The following SEMA5B variants were observed in gnomAD, a reference collection of about 807,000 sequenced individuals.
SEMA5B encodes the protein semaphorin 5B.
In SEMA5B, 66 loss-of-function variants were observed where a neutral mutation model predicts 135.0. The observed-to-expected ratio is 0.49, with a 90% CI of 0.40 to 0.60. SEMA5B has a LOEUF of 0.60. Among genes scored for constraint, SEMA5B ranks in the 20% least tolerant of loss-of-function variants. The pLI, the probability that SEMA5B is intolerant of heterozygous loss-of-function variation, is 0.00. For missense variants in SEMA5B, 1,501 were observed against 1,566.3 expected, an observed-to-expected ratio of 0.96 and a Z score of 0.70; for synonymous variants, 690 against 639.5, an observed-to-expected ratio of 1.08 and a Z score of -1.19.
intron 1 of SEMA5B, among the ~76,000 whole-genome samples, chr3:123,013,946 A>G (rs1274415236): frequency 1.3e-5 from 2 of 152,078 alleles, no homozygotes; most frequent in East Asian, 3.9e-4. Flanking sequence ...TCCCCATTCC[A>G]CAGGAAGGAA....
At chr3:122,931,926 C>T (rs1938992967) in intron 5 of SEMA5B, among the ~76,000 whole-genome samples, 1 of 152,160 alleles carries the variant, frequency 6.6e-6, no homozygotes, top group African/African-American at 2.4e-5. Flanking sequence ...CTGGTCAGAA[C>T]ACCAGAAAAA....
At chr3:123,000,245 TCC>T (rs1189792177) in intron 1 of SEMA5B, among the ~76,000 whole-genome samples, 1 of 151,966 alleles carries the variant, frequency 6.6e-6, no homozygotes, top group Non-Finnish European at 1.5e-5. Context: ...GGAGCAGCCC[TCC>T]CGAAGGATAG....
Position 122,913,684 on chromosome 3 carries a change from G to C in SEMA5B, c.2133-3C>G. The C allele has an allele frequency of 6.2e-7, 1 of 1,613,222 alleles. No homozygotes were observed. Among genetic ancestry groups the C allele is most frequent in the Non-Finnish European group, 8.5e-7 (1 of 1,179,708 alleles). On this transcript the variant is annotated splice_region_variant and splice_polypyrimidine_tract_variant and intron_variant, in intron 15 of 22. Transcript: ENST00000357599. ...AAGGCGTGTTCTCATTACAGAACCT[G>C]GGGTCGGGGGAGAGGCGTCAATCCA...
At chr3:122,996,488 G>A (rs1027512161) in intron 1 of SEMA5B, among the ~76,000 whole-genome samples, 15 of 152,196 alleles carry the variant, frequency 9.9e-5, no homozygotes, top group South Asian at 6.2e-4. Flanking sequence ...GTGCTTCCCC[G>A]CCTTGGCCTC....
rs756123114 is a variant in SEMA5B, at chr3:122,947,479, C to T, written c.328+1027G>A. Among the ~76,000 whole-genome samples, 7 of 152,104 alleles carry T rather than the reference C, an allele frequency of 4.6e-5. No homozygotes were observed. The East Asian group carries it at 5.8e-4, about 13-fold the overall frequency. ...TTTCCAGCTGGGTTCCATCTTACCC[C>T]ACCCACTCCTGCAGGATGGGGCTCC... On this transcript the variant is annotated intron_variant, in intron 3 of 22. Coordinates refer to ENST00000357599, the MANE Select transcript of SEMA5B (RefSeq NM_001031702.4).
chr3:122,986,150 C>T (rs1941688555), intron 1 of SEMA5B, among the ~76,000 whole-genome samples: 1 of 152,172 alleles, frequency 6.6e-6, no homozygotes, highest in Admixed American at 6.5e-5. Context: ...ATAATACTGT[C>T]CTTTGTCTTA....
In SEMA5B at chr3:122,926,543, G is replaced by A. The variant is rs1305193720; in HGVS notation, c.985C>T (p.Arg329Ter). The A allele has an allele frequency of 3.1e-6, 5 of 1,614,236 alleles. No homozygotes were observed. Among genetic ancestry groups the A allele is most frequent in the East Asian group, 2.2e-5 (1 of 44,890 alleles). Residue 329 changes from arginine to a stop codon, truncating the protein, a stop_gained, in exon 9 of 23, where the codon CGA (arginine) becomes TGA (stop). Coordinates refer to ENST00000357599, the MANE Select transcript of SEMA5B (RefSeq NM_001031702.4). LOFTEE classifies it high-confidence loss of function. ...ARVCKNDVGG[R>*]FLLEDTWTTF... ...GTCCATGTGTCCTCCAGCAGGAATC[G>A]GCCCCCCACGTCATTCTTGCACACG...
At chr3:122,927,686 C>T in intron 8 of SEMA5B, 104 bp downstream of exon 8, 1 of 801,968 alleles carries the variant, frequency 1.2e-6, no homozygotes, top group African/African-American at 1.8e-5. Context: ...CAAGTGGGAG[C>T]ACTTGCAGAG....
intron 5 of SEMA5B, 134 bp from the exon 6 acceptor site, chr3:122,929,192 G>T: frequency 1.2e-6 from 1 of 808,822 alleles, no homozygotes; most frequent in Non-Finnish European, 2.0e-6. Flanking sequence ...GCAGGGTGAG[G>T]GCTCCTCTCA....
intron 1 of SEMA5B, among the ~76,000 whole-genome samples, chr3:122,968,858 G>A (rs987840888): frequency 2.0e-5 from 3 of 152,182 alleles, no homozygotes; most frequent in African/African-American, 7.2e-5. Context: ...TGGGCCATAA[G>A]TCTTGGGGCA....
chr3:122,943,660 T>G, intron 3 of SEMA5B, 125 bp from the exon 4 acceptor site: 4 of 646,722 alleles, frequency 6.2e-6, no homozygotes, highest in East Asian at 2.7e-5. Context: ...CCGGGAGACC[T>G]GGTGCCACCT....
At chr3:122,937,031 T>C (rs1939325329) in intron 5 of SEMA5B, among the ~76,000 whole-genome samples, 1 of 152,230 alleles carries the variant, frequency 6.6e-6, no homozygotes, top group African/African-American at 2.4e-5. Context: ...AAGCATTGAG[T>C]TTTAAGTTTG....
chr3:122,914,709 G>A (rs1475848151), intron 14 of SEMA5B, among the ~76,000 whole-genome samples: 1 of 152,146 alleles, frequency 6.6e-6, no homozygotes, highest in Non-Finnish European at 1.5e-5. Context: ...TGAGGTGGGA[G>A]GAACACTTGA....
At position 122,921,766 on chromosome 3, in the gene SEMA5B, ACC is replaced by A. The variant is rs1938355582; in HGVS notation, c.1688+147_1688+148del. On this transcript the variant is annotated intron_variant, in intron 12 of 22. Transcript: ENST00000357599. ...CTGCAAGATGTTTTACGAGGAGAGA[ACC>A]AAGGTTCAGCGAGGTGGAGTGACTT... 6 of 589,866 alleles carry A rather than the reference ACC, an allele frequency of 1.0e-5. 1 individual carries two copies. The South Asian group carries it at 1.5e-4, about 14-fold the overall frequency. 36.5% of individuals were successfully genotyped at this position (589,866 alleles called of 1,614,324 possible).
intron 1 of SEMA5B, among the ~76,000 whole-genome samples, chr3:122,977,517 G>C (rs1340652453): frequency 6.6e-6 from 1 of 152,156 alleles, no homozygotes; most frequent in African/African-American, 2.4e-5. Flanking sequence ...AGAGCATCAG[G>C]ATCAGAACCC....
intron 1 of SEMA5B, among the ~76,000 whole-genome samples, chr3:123,005,764 G>A (rs561229862): frequency 2.0e-5 from 3 of 152,304 alleles, no homozygotes; most frequent in Non-Finnish European, 4.4e-5. Context: ...AATGGAGAGA[G>A]CAATCCTGAT....
intron 1 of SEMA5B, among the ~76,000 whole-genome samples, chr3:122,987,975 C>A (rs1034798881): frequency 9.2e-5 from 14 of 152,004 alleles, no homozygotes; most frequent in Admixed American, 2.0e-4. Context: ...TGAGACCAGC[C>A]ATAGAAGGAA....
At chr3:122,958,180 G>A (rs1177065878) in intron 2 of SEMA5B, 1 of 152,312 alleles carries the variant, frequency 6.6e-6, no homozygotes, top group Non-Finnish European at 1.5e-5. Context: ...CAGGGTGGGT[G>A]GGAAGGAAGG....
At position 122,910,909 on chromosome 3, in the gene SEMA5B, G is replaced by T; in HGVS notation, c.3228C>A (p.Thr1076=). ...CGCCCTTGTAGTGCAAATGGTTGGGGGTGGCAGGATGGACCAGTGTGGACT... is the reference window on the plus strand; with the variant it reads ...CGCCCTTGTAGTGCAAATGGTTGGGTGTGGCAGGATGGACCAGTGTGGACT... ...SQESTLVHPA[T]PNHLHYKGGG... is the part of the protein sequence containing the mutation. The change falls in exon 22 of 23, where the codon ACC becomes ACA. Residue 1076 remains threonine, a synonymous_variant. Transcript: ENST00000357599. 6.2e-7 allele frequency: 1 copy of T among 1,613,788 alleles called. No homozygotes were observed. The highest frequency in any genetic ancestry group is 1.7e-4 in the Middle Eastern group (1 of 5,780).
Sources: gnomAD v4.1 joint callset for allele counts (sites outside exome capture counted in the v4.1 genomes callset) on GRCh38, gnomAD v4.1.1 for gene constraint, MANE v1.5 for transcripts, NCBI Gene and HGNC (gene_info 2026-07-23, HGNC 2026-07-21) for gene names.